RAVER2: variants seen among roughly 807,000 people sequenced by gnomAD.
RAVER2 encodes ribonucleoprotein, PTB binding 2, also known as ribonucleoprotein PTB-binding 2.
A neutral mutation model predicts 78.1 loss-of-function variants in RAVER2; 46 were observed. The observed-to-expected ratio is 0.59, with a 90% CI of 0.46 to 0.75. The LOEUF (loss-of-function observed/expected upper bound fraction) is 0.75, where lower values mean the gene tolerates loss of function less well. Among genes scored for constraint, RAVER2 ranks in the 30% least tolerant of loss-of-function variants. The probability of loss-of-function intolerance (pLI) is 0.00; values close to 1 mark genes in which losing one functional copy is unlikely to be tolerated. For missense variants in RAVER2, 793 were observed against 837.5 expected, an observed-to-expected ratio of 0.95 and a Z score of 0.66; for synonymous variants, 311 against 313.3, an observed-to-expected ratio of 0.99 and a Z score of 0.08.
chr1:64,767,361 T>C (rs1652201922), intron 1 of RAVER2, among the ~76,000 whole-genome samples: 1 of 152,054 alleles, frequency 6.6e-6, no homozygotes, highest in South Asian at 2.1e-4. Context: ...TTGAGTGTCA[T>C]CCTTGGAGCC....
chr1:64,771,969 G>A (rs1448969128), intron 2 of RAVER2, among the ~76,000 whole-genome samples: 3 of 152,020 alleles, frequency 2.0e-5, no homozygotes, highest in Non-Finnish European at 2.9e-5. Flanking sequence ...TACATTAGGG[G>A]AAAAAGTTTT....
At chr1:64,776,620 G>T (rs888460737) in intron 2 of RAVER2, among the ~76,000 whole-genome samples, 1 of 152,150 alleles carries the variant, frequency 6.6e-6, no homozygotes, top group Admixed American at 6.6e-5. Context: ...TGTTCATATG[G>T]AGTAACTTCA....
intron 1 of RAVER2, among the ~76,000 whole-genome samples, chr1:64,747,527 T>C (rs1557578285): frequency 6.6e-6 from 1 of 151,818 alleles, no homozygotes; most frequent in Non-Finnish European, 1.5e-5. Context: ...TTTTTTTTTT[T>C]CTGAGACAGA....
chr1:64,814,610 CT>C, intron 10 of RAVER2, 93 bp from the exon 11 acceptor site: 1 of 668,822 alleles, frequency 1.5e-6, no homozygotes, highest in Non-Finnish European at 2.0e-6. Context: ...TATAATATAA[CT>C]TATAATAAAA....
chr1:64,799,642 T>C (rs955679136), intron 5 of RAVER2, among the ~76,000 whole-genome samples: 4 of 152,102 alleles, frequency 2.6e-5, no homozygotes, highest in African/African-American at 7.2e-5. Flanking sequence ...GGTTTCGCCA[T>C]GTTGGCCAGG....
intron 5 of RAVER2, among the ~76,000 whole-genome samples, chr1:64,790,468 C>A (rs989970967): frequency 2.6e-5 from 4 of 152,064 alleles, no homozygotes; most frequent in African/African-American, 9.7e-5. Flanking sequence ...GGCCCCAAAG[C>A]GCAAGAGTAG....
intron 10 of RAVER2, 134 bp from the exon 11 acceptor site, chr1:64,814,567 TGAG>T: frequency 2.1e-6 from 1 of 466,706 alleles, no homozygotes; most frequent in Non-Finnish European, 3.0e-6. Context: ...GATAATGTGC[TGAG>T]TTACAATTTA....
chr1:64,758,382 C>T (rs140701531), intron 1 of RAVER2, among the ~76,000 whole-genome samples: 1 of 152,126 alleles, frequency 6.6e-6, no homozygotes, highest in East Asian at 1.9e-4. Flanking sequence ...TTTAGGGTTA[C>T]ACAAAACAGA....
chr1:64,816,276 T>G (rs999844021), intron 11 of RAVER2: 20 of 152,248 alleles, frequency 1.3e-4, no homozygotes, highest in Admixed American at 1.3e-3. Flanking sequence ...ATGATGCCTT[T>G]TGCATTACTG....
At chr1:64,776,153 T>A (rs1652457393) in intron 2 of RAVER2, among the ~76,000 whole-genome samples, 1 of 152,090 alleles carries the variant, frequency 6.6e-6, no homozygotes, top group South Asian at 2.1e-4. Context: ...ATTTACAAAC[T>A]GTTGTTGGCT....
intron 5 of RAVER2, among the ~76,000 whole-genome samples, chr1:64,799,039 T>A (rs950676922): frequency 5.9e-5 from 9 of 152,204 alleles, no homozygotes; most frequent in African/African-American, 2.2e-4. Flanking sequence ...AATCAGCCTA[T>A]CTAGCTATAG....
intron 11 of RAVER2, among the ~76,000 whole-genome samples, chr1:64,822,939 C>T (rs1237237693): frequency 6.6e-6 from 1 of 152,014 alleles, no homozygotes; most frequent in Non-Finnish European, 1.5e-5. Context: ...ACAAAAAGTC[C>T]ACATATGATA....
At position 64,792,903 on chromosome 1, in the gene RAVER2, TAAAG is replaced by T. The variant is rs893830999; in HGVS notation, c.1105+3392_1105+3395del. Reference sequence around the variant, plus strand: ...TTCTCTGAGCCAACTAAATTAATGATAAAGAATTGTAATTCTTGGCTGGGTGCTG... The same window carrying T: ...TTCTCTGAGCCAACTAAATTAATGATAATTGTAATTCTTGGCTGGGTGCTG... On this transcript the variant is annotated intron_variant, in intron 5 of 11. Transcript: ENST00000294428. Among the ~76,000 whole-genome samples, 34 of 152,344 alleles carry T rather than the reference TAAAG, an allele frequency of 2.2e-4. 1 individual carries two copies. The highest frequency in any genetic ancestry group is 7.9e-4 in the African/African-American group (33 of 41,594).
chr1:64,791,946 C>A (rs1652954387), intron 5 of RAVER2, among the ~76,000 whole-genome samples: 1 of 152,012 alleles, frequency 6.6e-6, no homozygotes, highest in African/African-American at 2.4e-5. Context: ...TTCTCCAGAC[C>A]AGTTCTTTTT....
chr1:64,776,015 G>C (rs1652450600), intron 2 of RAVER2, among the ~76,000 whole-genome samples: 1 of 120,718 alleles, frequency 8.3e-6, no homozygotes, highest in South Asian at 2.6e-4. Flanking sequence ...TCAGACTCTT[G>C]TCTCAAAAAA....
chr1:64,816,657 C>G (rs532882173), intron 11 of RAVER2: 1 of 152,326 alleles, frequency 6.6e-6, no homozygotes, highest in South Asian at 2.1e-4. Flanking sequence ...TAAGTGATTA[C>G]TATTTCTAAA....
At chr1:64,755,681 C>A (rs974275111) in intron 1 of RAVER2, among the ~76,000 whole-genome samples, 1 of 139,398 alleles carries the variant, frequency 7.2e-6, no homozygotes, top group Non-Finnish European at 1.5e-5. Context: ...TACTTGCTTT[C>A]GATTCCAAAG....
At position 64,778,095 on chromosome 1, in the gene RAVER2, A is replaced by G. The variant is rs1448293215; in HGVS notation, c.786+3A>G. ...TCCATAAACCTGTGTTTTGCCAGGT[A>G]TGTATTTTTAAGAGATTATTGAAAT... On this transcript the variant is annotated splice_donor_region_variant and intron_variant, in intron 3 of 11. Coordinates refer to ENST00000294428, the Ensembl canonical transcript of RAVER2. The G allele has an allele frequency of 4.4e-6, 7 of 1,578,080 alleles. No individual in the cohort carries two copies. In the Admixed American group the frequency reaches 1.1e-4, roughly 24 times the overall value.
At position 64,807,280 on chromosome 1, in the gene RAVER2, A is replaced by G. The variant is rs779529316; in HGVS notation, c.1486A>G (p.Ile496Val). Residue 496 changes from isoleucine (I) to valine (V), a missense_variant, in exon 9 of 12, where the codon ATT becomes GTT. By Grantham distance (29) the Ile-to-Val change is conservative (BLOSUM62 3). Coordinates refer to ENST00000294428, the Ensembl canonical transcript of RAVER2. Reference sequence around the variant, plus strand: ...GTTACCATTCTTTCCAAATCAGCACATTGCTGGACAGGCTGGGCCAGGGCA... The same window carrying G: ...GTTACCATTCTTTCCAAATCAGCACGTTGCTGGACAGGCTGGGCCAGGGCA... 18 of 1,614,074 alleles carry G rather than the reference A, an allele frequency of 1.1e-5. No individual in the cohort carries two copies. In the Admixed American group the frequency reaches 2.2e-4, roughly 19 times the overall value.
Sources: gnomAD v4.1 joint callset for allele counts (sites outside exome capture counted in the v4.1 genomes callset) on GRCh38, gnomAD v4.1.1 for gene constraint, MANE v1.5 for transcripts, NCBI Gene and HGNC (gene_info 2026-07-23, HGNC 2026-07-21) for gene names.